Variants in GNB5 observed in about 807,000 individuals in gnomAD.
GNB5 encodes G protein subunit beta 5.
A neutral mutation model predicts 55.3 loss-of-function variants in GNB5; 37 were observed. That is an observed-to-expected ratio of 0.67 (90% CI 0.51 to 0.88). GNB5 has a LOEUF of 0.88. Ranked by LOEUF, GNB5 falls within the 40% of genes least tolerant of loss-of-function variation. The probability of loss-of-function intolerance (pLI) is 0.00; values close to 1 mark genes in which losing one functional copy is unlikely to be tolerated. For synonymous variants in GNB5, 219 were observed against 198.5 expected (o/e 1.10, Z -0.87); for missense variants, 476 against 515.3 (o/e 0.92, Z 0.74).
intron 3 of GNB5, among the ~76,000 whole-genome samples, chr15:52,172,813 T>C (rs1189154912): frequency 1.3e-5 from 2 of 152,154 alleles, no homozygotes; most frequent in Non-Finnish European, 2.9e-5. Context: ...GCACCTTCAC[T>C]TTCCATACCC....
chr15:52,169,062 G>A (rs1434706756), intron 3 of GNB5, among the ~76,000 whole-genome samples: 2 of 152,186 alleles, frequency 1.3e-5, no homozygotes, highest in African/African-American at 4.8e-5. Flanking sequence ...GGGGGCTCAC[G>A]CCTGTAATCC....
Position 52,155,231 on chromosome 15 carries a change from G to A in GNB5, c.239-1155C>T, listed in dbSNP as rs561250550. Among the ~76,000 whole-genome samples, 6 of 152,320 alleles carry A rather than the reference G, an allele frequency of 3.9e-5. No homozygotes were observed. The South Asian group carries it at 1.2e-3, about 32-fold the overall frequency. ...GCATTTTCAGGGGGAAACAGCCTAC[G>A]CAAACAGACAGAGGAACAGGGTGGG... is the stretch of plus-strand genomic sequence containing the variant. On this transcript the variant is annotated intron_variant, in intron 3 of 12. Coordinates refer to ENST00000261837, the MANE Select transcript of GNB5 (RefSeq NM_016194.4).
intron 12 of GNB5, among the ~76,000 whole-genome samples, chr15:52,123,803 A>G (rs1300487972): frequency 6.6e-6 from 1 of 152,058 alleles, no homozygotes; most frequent in Non-Finnish European, 1.5e-5. Context: ...TTGGCCTCCC[A>G]AAGTGCTACA....
intron 1 of GNB5, among the ~76,000 whole-genome samples, chr15:52,189,686 C>T (rs2141246463): frequency 6.6e-6 from 1 of 152,274 alleles, no homozygotes; most frequent in Middle Eastern, 3.4e-3. Flanking sequence ...CACCAACCGA[C>T]AAATGAAAAA....
intron 3 of GNB5, among the ~76,000 whole-genome samples, chr15:52,175,632 G>A (rs2034634777): frequency 6.6e-6 from 1 of 152,168 alleles, no homozygotes; most frequent in Admixed American, 6.5e-5. Flanking sequence ...TCAGCTACTT[G>A]GGAGGCTGAG....
intron 7 of GNB5, 137 bp from the exon 8 acceptor site, chr15:52,135,893 A>ACACC (rs1431967062): frequency 4.2e-4 from 284 of 672,036 alleles, no homozygotes; most frequent in East Asian, 1.1e-3. Flanking sequence ...ACACACACAC[A>ACACC]CCCTACCTGC....
At chr15:52,149,454 C>T (rs1263945009) in intron 5 of GNB5, 16 of 397,154 alleles carry the variant, frequency 4.0e-5, no homozygotes, top group African/African-American at 2.8e-4. Flanking sequence ...TAGCTCTGCC[C>T]AGTCCCACTG....
intron 1 of GNB5, among the ~76,000 whole-genome samples, chr15:52,190,465 A>G (rs1218567633): frequency 6.6e-6 from 1 of 152,166 alleles, no homozygotes; most frequent in African/African-American, 2.4e-5. Flanking sequence ...TCACTTCACA[A>G]ATGAGGATAC....
intron 3 of GNB5, 76 bp downstream of exon 3, chr15:52,179,692 A>G: frequency 6.0e-6 from 2 of 333,790 alleles, no homozygotes; most frequent in Non-Finnish European, 9.8e-6. Context: ...GACCGCCCCC[A>G]CCGCCCCCGC....
chr15:52,136,110 G>A (rs2033706271), intron 7 of GNB5, among the ~76,000 whole-genome samples: 2 of 49,036 alleles, frequency 4.1e-5, no homozygotes, highest in Admixed American at 3.0e-4. Context: ...GGGAAAAGCA[G>A]AAAACACACA....
At chr15:52,128,333 C>A in intron 9 of GNB5, 89 bp from the exon 10 acceptor site, 1 of 845,514 alleles carries the variant, frequency 1.2e-6, no homozygotes, top group East Asian at 2.4e-5. Context: ...ATCAGAATCT[C>A]TATTTCTAGG....
At chr15:52,128,091 T>C in intron 10 of GNB5, 105 bp downstream of exon 10, 1 of 703,784 alleles carries the variant, frequency 1.4e-6, no homozygotes, top group South Asian at 1.8e-5. Flanking sequence ...TTTTCTTTAT[T>C]GAATACTCGT....
chr15:52,170,549 CA>C (rs776343424), intron 3 of GNB5, among the ~76,000 whole-genome samples: 2 of 152,072 alleles, frequency 1.3e-5, no homozygotes, highest in Non-Finnish European at 2.9e-5. Flanking sequence ...TGGGGCCTGT[CA>C]GGGGCATAGC....
At chr15:52,181,465 A>G (rs1184141365) in intron 2 of GNB5, among the ~76,000 whole-genome samples, 1 of 152,042 alleles carries the variant, frequency 6.6e-6, no homozygotes, top group Non-Finnish European at 1.5e-5. Flanking sequence ...AAAATACAAA[A>G]ATTAGTCGGG....
At chr15:52,187,453 C>G (rs564931535) in intron 1 of GNB5, among the ~76,000 whole-genome samples, 2 of 151,958 alleles carry the variant, frequency 1.3e-5, no homozygotes, top group East Asian at 3.9e-4. Context: ...GACAGAGGAG[C>G]AGCTATGGGA....
intron 3 of GNB5, among the ~76,000 whole-genome samples, chr15:52,155,555 C>T (rs1236064572): frequency 1.3e-5 from 2 of 152,204 alleles, no homozygotes; most frequent in Non-Finnish European, 2.9e-5. Flanking sequence ...GAGATACTGC[C>T]TATTGTCCAA....
At chr15:52,184,727 G>A (rs1211428843) in intron 1 of GNB5, 33 bp from the exon 2 acceptor site, 1 of 1,581,734 alleles carries the variant, frequency 6.3e-7, no homozygotes, top group Non-Finnish European at 8.6e-7. Context: ...GAGGGGGTGT[G>A]AGAAAAGCCA....
At chr15:52,127,320 TTG>T (rs2033455249) in intron 10 of GNB5, among the ~76,000 whole-genome samples, 1 of 152,240 alleles carries the variant, frequency 6.6e-6, no homozygotes, top group African/African-American at 2.4e-5. Context: ...AGGTGTTTAC[TTG>T]CCATTGTGGA....
At chr15:52,166,680 A>C (rs574118131) in intron 3 of GNB5, among the ~76,000 whole-genome samples, 2 of 152,350 alleles carry the variant, frequency 1.3e-5, no homozygotes, top group East Asian at 3.9e-4. Context: ...GACACAGCTA[A>C]AGCAGTGTTA....
Sources: allele counts gnomAD v4.1 joint callset (sites outside exome capture counted in the v4.1 genomes callset), GRCh38; gene constraint gnomAD v4.1.1; transcripts MANE v1.5; gene names NCBI Gene and HGNC (gene_info 2026-07-23, HGNC 2026-07-21).